The following ADARB2 variants were observed in gnomAD, a reference collection of about 807,000 sequenced individuals.
ADARB2 encodes inactive double-stranded RNA-specific editase B2.
A neutral mutation model predicts 62.2 loss-of-function variants in ADARB2; 25 were observed. The observed-to-expected ratio is 0.40, with a 90% CI of 0.29 to 0.56. ADARB2 has a LOEUF of 0.56. ADARB2 is among the 20% of genes least tolerant of loss of function. ADARB2 has a pLI of 0.43. For missense variants in ADARB2, 1,071 were observed against 1,077.4 expected (o/e 0.99, Z 0.08); for synonymous variants, 572 against 500.8 (o/e 1.14, Z -1.90).
chr10:1,230,885 A>AT (rs1251007078), intron 6 of ADARB2, among the ~76,000 whole-genome samples: 1 of 152,068 alleles, frequency 6.6e-6, no homozygotes, highest in Non-Finnish European at 1.5e-5. Flanking sequence ...AAAATGCTTT[A>AT]TTTTTTCTCC....
chr10:1,732,525 T>C (rs757979712), intron 1 of ADARB2, among the ~76,000 whole-genome samples: 23 of 152,292 alleles, frequency 1.5e-4, no homozygotes, highest in Non-Finnish European at 2.6e-4. Flanking sequence ...CCAGAGGCAC[T>C]GATACAAAAT....
Position 1,475,170 on chromosome 10 carries a change from C to A in ADARB2, c.101-96010G>T, listed in dbSNP as rs58890371. On this transcript the variant is annotated intron_variant, in intron 1 of 9. Coordinates refer to ENST00000381312, the MANE Select transcript of ADARB2 (RefSeq NM_018702.4). ...CGGGGAGGGTCCGGCACTCAGGAGC[C>A]CCCCCGGGGCAGGAGGGGCCTCTTC... 2.7e-3 allele frequency among the ~76,000 whole-genome samples: 408 copies of A among 152,138 alleles called. 2 individuals carry two copies. The highest frequency in any genetic ancestry group is 9.4e-3 in the African/African-American group (388 of 41,486).
intron 1 of ADARB2, among the ~76,000 whole-genome samples, chr10:1,591,316 C>T (rs1833250378): frequency 6.6e-6 from 1 of 152,184 alleles, no homozygotes; most frequent in Admixed American, 6.5e-5. Flanking sequence ...CGTGCCATCC[C>T]CTTCCTTCTT....
intron 8 of ADARB2, among the ~76,000 whole-genome samples, chr10:1,192,471 T>A (rs886625667): frequency 6.6e-6 from 1 of 152,238 alleles, no homozygotes; most frequent in Non-Finnish European, 1.5e-5. Context: ...TAAGGCTGTA[T>A]TAATGCCGTT....
At chr10:1,356,020 C>CA (rs774146508) in intron 3 of ADARB2, among the ~76,000 whole-genome samples, 1 of 152,170 alleles carries the variant, frequency 6.6e-6, no homozygotes, top group Non-Finnish European at 1.5e-5. Context: ...TAAGCATCTA[C>CA]AAAGCCTCTA....
intron 1 of ADARB2, among the ~76,000 whole-genome samples, chr10:1,542,985 G>A (rs558672084): frequency 9.2e-5 from 14 of 151,978 alleles, no homozygotes; most frequent in Non-Finnish European, 1.3e-4. Flanking sequence ...CTGTCCGTCC[G>A]CCCGAGCAGA....
chr10:1,662,725 G>C (rs1395095489), intron 1 of ADARB2, among the ~76,000 whole-genome samples: 1 of 152,202 alleles, frequency 6.6e-6, no homozygotes, highest in African/African-American at 2.4e-5. Flanking sequence ...GGAGGAGTCC[G>C]CAGGCTCCGG....
intron 1 of ADARB2, among the ~76,000 whole-genome samples, chr10:1,467,810 T>G (rs925502793): frequency 6.6e-6 from 1 of 152,182 alleles, no homozygotes; most frequent in Non-Finnish European, 1.5e-5. Context: ...TGCTTTTGAG[T>G]CGAACACATT....
chr10:1,420,553 C>A (rs1832842922), intron 1 of ADARB2, among the ~76,000 whole-genome samples: 1 of 141,174 alleles, frequency 7.1e-6, no homozygotes, highest in African/African-American at 2.6e-5. Flanking sequence ...CATGGTTTTT[C>A]ATGATGAAGA....
chr10:1,563,694 T>C lies in ADARB2; in HGVS notation c.100+173357A>G, dbSNP rs375471628. On this transcript the variant is annotated intron_variant, in intron 1 of 9. Coordinates refer to ENST00000381312, the MANE Select transcript of ADARB2 (RefSeq NM_018702.4). ...GTGCACAATGTGCAGGTCAGTTACA[T>C]ATGTATACATGTGCCATGCTGGTGC... 3.3e-5 allele frequency among the ~76,000 whole-genome samples: 5 copies of C among 151,508 alleles called. 1 individual carries two copies. In the East Asian group the frequency reaches 9.8e-4, roughly 30 times the overall value.
At chr10:1,550,224 GTT>G (rs1412027201) in intron 1 of ADARB2, among the ~76,000 whole-genome samples, 2 of 152,150 alleles carry the variant, frequency 1.3e-5, no homozygotes, top group Admixed American at 1.3e-4. Flanking sequence ...ACTACATTTT[GTT>G]TGTTTTCCTC....
At chr10:1,611,515 G>A (rs897408399) in intron 1 of ADARB2, among the ~76,000 whole-genome samples, 21 of 152,024 alleles carry the variant, frequency 1.4e-4, no homozygotes, top group African/African-American at 4.3e-4. Context: ...CCAAATGCTG[G>A]GGAGGTGGGG....
At chr10:1,396,031 A>G (rs111662258) in intron 1 of ADARB2, among the ~76,000 whole-genome samples, 2,887 of 152,304 alleles carry the variant, frequency 0.019, 40 homozygotes, top group Middle Eastern at 0.044. Flanking sequence ...ACTGGTCCAA[A>G]TGCGGGCCAT....
intron 1 of ADARB2, among the ~76,000 whole-genome samples, chr10:1,503,802 G>A (rs1403330053): frequency 1.3e-5 from 2 of 151,852 alleles, no homozygotes; most frequent in East Asian, 1.9e-4. Context: ...CCCACGCCCC[G>A]CCCCCTTGCT....
chr10:1,289,808 C>T (rs1319961564), intron 3 of ADARB2, among the ~76,000 whole-genome samples: 1 of 152,272 alleles, frequency 6.6e-6, no homozygotes, highest in African/African-American at 2.4e-5. Context: ...AGCCAGCACG[C>T]AGGAGCAGGC....
At chr10:1,692,705 C>T (rs1475673964) in intron 1 of ADARB2, among the ~76,000 whole-genome samples, 1 of 151,998 alleles carries the variant, frequency 6.6e-6, no homozygotes, top group African/African-American at 2.4e-5. Flanking sequence ...TCCTGAAGGG[C>T]TACAAACATT....
At chr10:1,505,529 C>T (rs1053100303) in intron 1 of ADARB2, among the ~76,000 whole-genome samples, 9 of 152,342 alleles carry the variant, frequency 5.9e-5, no homozygotes, top group South Asian at 4.1e-4. Flanking sequence ...CCTCGGAAAA[C>T]ACTCGTTCTG....
At position 1,704,577 on chromosome 10, in the gene ADARB2, G is replaced by A. The variant is rs1032529967; in HGVS notation, c.100+32474C>T. ...AAGCCTTGCTCACTAACCTCCTGCT[G>A]TGCAGCCCAGCTCCTAACAGGTCCT... is the stretch of plus-strand genomic sequence containing the variant. On this transcript the variant is annotated intron_variant, in intron 1 of 9. Coordinates refer to ENST00000381312, the MANE Select transcript of ADARB2 (RefSeq NM_018702.4). This position sits in a 1 kb window ranked among gnomAD's most constrained non-coding sequence, Gnocchi z 5.6. 9.9e-5 allele frequency among the ~76,000 whole-genome samples: 15 copies of A among 152,284 alleles called. No individual in the cohort carries two copies. Among genetic ancestry groups the A allele is most frequent in the East Asian group, 5.8e-4 (3 of 5,180 alleles).
chr10:1,360,246 T>G (rs1017027187), intron 3 of ADARB2, among the ~76,000 whole-genome samples: 2 of 152,074 alleles, frequency 1.3e-5, no homozygotes, highest in African/African-American at 4.8e-5. Context: ...GGGCGGCCTT[T>G]CCCCCCAGCC....
Sources: allele counts gnomAD v4.1 joint callset (sites outside exome capture counted in the v4.1 genomes callset), GRCh38; gene constraint gnomAD v4.1.1; non-coding constraint Gnocchi (gnomAD v3.1); transcripts MANE v1.5; gene names NCBI Gene and HGNC (gene_info 2026-07-23, HGNC 2026-07-21).